The following FAM120B variants were observed in gnomAD, a reference collection of about 807,000 sequenced individuals.
The protein encoded by FAM120B is family with sequence similarity 120 member B.
A neutral mutation model predicts 96.3 loss-of-function variants in FAM120B; 83 were observed. That is an observed-to-expected ratio of 0.86 (90% confidence interval 0.72 to 1.03). The LOEUF is 1.03. Among genes scored for constraint, FAM120B ranks in the 50% least tolerant of loss-of-function variants. The pLI is 0.00. For synonymous variants in FAM120B, 407 were observed against 402.7 expected (o/e 1.01, Z -0.13); for missense variants, 1,027 against 1,121.2 (o/e 0.92, Z 1.20).
At chr6:170,316,058 CAAAAAAAA>C (rs35344814) in intron 1 of FAM120B, among the ~76,000 whole-genome samples, 1 of 91,854 alleles carries the variant, frequency 1.1e-5, no homozygotes, top group Non-Finnish European at 2.0e-5. Flanking sequence ...GACCCGGTCT[CAAAAAAAA>C]AAAAAAAAAA....
intron 4 of FAM120B, among the ~76,000 whole-genome samples, chr6:170,337,878 C>A (rs1376924326): frequency 1.3e-5 from 2 of 151,972 alleles, no homozygotes; most frequent in African/African-American, 4.8e-5. Flanking sequence ...GTGGTGATAT[C>A]CCCTTTATCA....
At position 170,405,000 on chromosome 6, in the gene FAM120B, A is replaced by C; in HGVS notation, c.*249A>C. On this transcript the variant is annotated 3_prime_UTR_variant, in exon 11 of 11. Transcript: ENST00000476287. ...CAAAACAATCATTGTTAACATCTTCATGTGTTTCATTCTGATCTTTCATTC... is the reference window on the plus strand; with the variant it reads ...CAAAACAATCATTGTTAACATCTTCCTGTGTTTCATTCTGATCTTTCATTC... The C allele has an allele frequency of 5.5e-6, 1 of 183,270 alleles. No individual in the cohort carries two copies. The highest frequency in any genetic ancestry group is 1.1e-5 in the Non-Finnish European group (1 of 88,616). The allele number at this position is 183,270 out of a possible 1,614,324, so 11.4% of individuals were successfully genotyped here. A position where few individuals can be genotyped will look rare whatever the true frequency, so the allele number is the denominator to read the frequency against.
intron 3 of FAM120B, among the ~76,000 whole-genome samples, chr6:170,327,338 G>A (rs763987261): frequency 7.2e-5 from 11 of 152,100 alleles, no homozygotes; most frequent in Admixed American, 3.9e-4. Context: ...GAGCCACCGC[G>A]CCCGGCCAAC....
In FAM120B at chr6:170,405,647, ATG is replaced by A. The variant is rs1418577021; in HGVS notation, c.*900_*901del. ...TCTAATCAAACATAAGTTTCCAACT[ATG>A]TGTTCTCTTGGTCCTCAGAAGTGTT... is the stretch of plus-strand genomic sequence containing the variant. On this transcript the variant is annotated 3_prime_UTR_variant, in exon 11 of 11. Coordinates refer to ENST00000476287, the MANE Select transcript of FAM120B (RefSeq NM_032448.3). 1 of 152,228 alleles carries A rather than the reference ATG, an allele frequency of 6.6e-6. No homozygotes were observed. Among genetic ancestry groups the A allele is most frequent in the African/African-American group, 2.4e-5 (1 of 41,458 alleles). The allele number at this position is 152,228 out of a possible 1,614,324, so 9.4% of individuals were successfully genotyped here. A position where few individuals can be genotyped will look rare whatever the true frequency, so the allele number is the denominator to read the frequency against.
At chr6:170,309,441 A>G (rs1784469542) in intron 1 of FAM120B, among the ~76,000 whole-genome samples, 1 of 152,244 alleles carries the variant, frequency 6.6e-6, no homozygotes, top group African/African-American at 2.4e-5. Context: ...TAGCCAAAAA[A>G]GCCAGCTCCT....
chr6:170,395,474 T>C lies in FAM120B; in HGVS notation c.2600-13T>C. ...TGACAACTTACTAATCTTCTGACTA[T>C]GTGTTCCCACAGGGAGGTGGGGAAG... is the stretch of plus-strand genomic sequence containing the variant. On this transcript the variant is annotated splice_polypyrimidine_tract_variant and intron_variant, in intron 8 of 10. Transcript: ENST00000476287. 1.3e-6 allele frequency: 2 copies of C among 1,574,248 alleles called. No homozygotes were observed. Among genetic ancestry groups the C allele is most frequent in the South Asian group, 1.2e-5 (1 of 85,762 alleles).
upstream of FAM120B, chr6:170,290,926 T>A: frequency 1.4e-6 from 1 of 696,996 alleles, no homozygotes; most frequent in Admixed American, 2.0e-5. This position sits in a 1 kb window ranked among gnomAD's most constrained non-coding sequence, Gnocchi z 4.7. Flanking sequence ...GCGCAGAGGA[T>A]CTGGCTCTCG....
chr6:170,318,050 C>T lies in FAM120B; in HGVS notation c.660C>T (p.Ala220=), dbSNP rs759803013. The T allele has an allele frequency of 5.6e-6, 9 of 1,613,978 alleles. No individual in the cohort carries two copies. Among genetic ancestry groups the T allele is most frequent in the East Asian group, 2.2e-5 (1 of 44,894 alleles). Reference sequence around the variant, plus strand: ...GTGAGAGTCTGGGCCTCTGTGTGGCCGACCTTCCTCTTCTGGCCTGCCTCC... The same window carrying T: ...GTGAGAGTCTGGGCCTCTGTGTGGCTGACCTTCCTCTTCTGGCCTGCCTCC... ...KLCESLGLCV[A]DLPLLACLLG... is the part of the protein sequence containing the mutation. Residue 220 remains alanine (A), a synonymous_variant, in exon 2 of 11, where the codon GCC becomes GCT. Transcript: ENST00000476287.
intron 1 of FAM120B, among the ~76,000 whole-genome samples, chr6:170,311,523 C>G (rs1159901646): frequency 6.6e-6 from 1 of 152,226 alleles, no homozygotes. Flanking sequence ...GTTGCTCATG[C>G]CTTCCTCTGG....
intron 4 of FAM120B, among the ~76,000 whole-genome samples, chr6:170,331,728 A>G (rs537472675): frequency 1.1e-4 from 17 of 152,234 alleles, no homozygotes; most frequent in African/African-American, 4.1e-4. Context: ...TCAAGAGTTA[A>G]TTTTAAAGGC....
In FAM120B at chr6:170,318,336, C is replaced by G. The variant is rs1228909921; in HGVS notation, c.946C>G (p.Gln316Glu). ...AGGACAAAAATCTCCATGGTTTTTCCAAAAACCCAAAGGTGTAATAACTTT... is the reference window on the plus strand; with the variant it reads ...AGGACAAAAATCTCCATGGTTTTTCGAAAAACCCAAAGGTGTAATAACTTT... ...LPGQKSPWFF[Q>E]KPKGVITLDK... is the part of the protein sequence containing the mutation. The change falls in exon 2 of 11, where the codon CAA (glutamine) becomes GAA (glutamate). Residue 316 changes from glutamine to glutamate, a missense_variant. Physicochemically the swap from Gln to Glu is conservative, Grantham distance 29. Around this residue, in one of 3 missense-constraint regions of FAM120B, gnomAD observed 880 missense variants for 980.9 expected, o/e 0.90. Coordinates refer to ENST00000476287, the MANE Select transcript of FAM120B (RefSeq NM_032448.3). 1.2e-6 allele frequency: 2 copies of G among 1,614,050 alleles called. No homozygotes were observed. The highest frequency in any genetic ancestry group is 1.7e-6 in the Non-Finnish European group (2 of 1,180,002).
chr6:170,308,751 A>AT lies in FAM120B; in HGVS notation c.-22+1914dup, dbSNP rs529205132. 7.4e-4 allele frequency among the ~76,000 whole-genome samples: 112 copies of AT among 152,234 alleles called. 1 individual carries two copies. The highest frequency in any genetic ancestry group is 1.2e-3 in the South Asian group (6 of 4,824). On this transcript the variant is annotated intron_variant, in intron 1 of 10. Transcript: ENST00000476287. ...TGTCATATCCAGCCTTGAGATTTGC[A>AT]TTTTTGTCCTTCAGACACCTTCCCT...
chr6:170,361,182 CTATATATATATACGTG>C (rs1788337960), intron 6 of FAM120B, among the ~76,000 whole-genome samples: 4 of 75,520 alleles, frequency 5.3e-5, no homozygotes, highest in East Asian at 6.1e-4. Flanking sequence ...AGCCTTAAAA[CTATATATATATACGTG>C]TATATATATA....
At chr6:170,322,801 G>C (rs1785379249) in intron 2 of FAM120B, among the ~76,000 whole-genome samples, 1 of 152,100 alleles carries the variant, frequency 6.6e-6, no homozygotes. Flanking sequence ...TGAGCACCTG[G>C]TTACTGGGAG....
Position 170,319,021 on chromosome 6 carries a change from C to T in FAM120B, c.1631C>T (p.Ala544Val), listed in dbSNP as rs530250537. 7 of 1,613,992 alleles carry T rather than the reference C, an allele frequency of 4.3e-6. No homozygotes were observed. The highest frequency in any genetic ancestry group is 5.9e-6 in the Non-Finnish European group (7 of 1,179,964). Residue 544 changes from alanine to valine, a missense_variant, in exon 2 of 11, where the codon GCT becomes GTT. Around this residue, in one of 3 missense-constraint regions of FAM120B, gnomAD observed 880 missense variants for 980.9 expected, o/e 0.90. Transcript: ENST00000476287. ...VATDFEFKLE[A>V]LMCTNPEIKQ... ...ACAGATTTTGAATTTAAGCTAGAAG[C>T]TCTCATGTGTACAAACCCTGAAATT... is the stretch of plus-strand genomic sequence containing the variant.
Position 170,388,482 on chromosome 6 carries a change from T to G in FAM120B, c.2479T>G (p.Leu827Val), listed in dbSNP as rs972999325. 5.0e-6 allele frequency: 8 copies of G among 1,614,002 alleles called. No homozygotes were observed. The Admixed American group carries it at 6.7e-5, about 13-fold the overall frequency. The change falls in exon 7 of 11, where the codon TTA becomes GTA. Residue 827 changes from leucine to valine, a missense_variant. Transcript: ENST00000476287. ...AAAGGGTTATGCTGTGGAGGTTCTT[T>G]TAGAACAAAATGTGAGTTCACAGAC... is the stretch of plus-strand genomic sequence containing the variant. ...SEKGYAVEVL[L>V]EQNRSRLTKF... is the part of the protein sequence containing the mutation.
At chr6:170,361,195 CGTGTATAT>C (rs1474205437) in intron 6 of FAM120B, among the ~76,000 whole-genome samples, 1 of 26,838 alleles carries the variant, frequency 3.7e-5, no homozygotes, top group African/African-American at 1.1e-4. Flanking sequence ...TATATATATA[CGTGTATAT>C]ATATATATAT....
rs9459995 is a variant in FAM120B, at chr6:170,382,836, C to T, written c.2284-5451C>T. 2.5e-4 allele frequency among the ~76,000 whole-genome samples: 38 copies of T among 151,962 alleles called. No individual in the cohort carries two copies. The East Asian group carries it at 4.6e-3, about 19-fold the overall frequency. ...GGAAGGGCAGTGAAACTAAAAGTCA[C>T]GAAAATAATCTTGAAAAAGAAAAAG... is the stretch of plus-strand genomic sequence containing the variant. On this transcript the variant is annotated intron_variant, in intron 6 of 10. Transcript: ENST00000476287.
chr6:170,296,125 G>A (rs1447809550), intron 1 of FAM120B, among the ~76,000 whole-genome samples: 1 of 152,108 alleles, frequency 6.6e-6, no homozygotes, highest in Non-Finnish European at 1.5e-5. Flanking sequence ...TCAGATTACC[G>A]CAGCAGCTGC....
Sources: gnomAD v4.1 joint callset for allele counts (sites outside exome capture counted in the v4.1 genomes callset) on GRCh38, gnomAD v4.1.1 for gene constraint, gnomAD v4.1.1 regional missense constraint, Gnocchi (gnomAD v3.1) non-coding constraint, MANE v1.5 for transcripts, NCBI Gene and HGNC (gene_info 2026-07-23, HGNC 2026-07-21) for gene names.